Variants in PLEKHM2 observed in about 807,000 individuals in gnomAD.
The protein encoded by PLEKHM2 is pleckstrin homology domain-containing family M member 2.
Under a neutral mutation model 116.3 loss-of-function variants are expected in PLEKHM2, and 77 were observed. The ratio of observed to expected loss-of-function variants is 0.66; its 90% CI spans 0.55 to 0.80. The LOEUF is 0.80. PLEKHM2 is among the 30% of genes least tolerant of loss of function. PLEKHM2 has a pLI of 0.00. For missense variants in PLEKHM2, 1,183 were observed against 1,354.9 expected (o/e 0.87, Z 1.99); for synonymous variants, 562 against 571.0 (o/e 0.98, Z 0.22).
chr1:15,726,865 T>G, intron 8 of PLEKHM2, 149 bp from the exon 9 acceptor site: 1 of 521,150 alleles, frequency 1.9e-6, no homozygotes, highest in Non-Finnish European at 3.3e-6. Context: ...TCTGACCCAG[T>G]GCCTCCACCC....
chr1:15,715,606 C>T (rs905987410), intron 1 of PLEKHM2, among the ~76,000 whole-genome samples: 1 of 151,950 alleles, frequency 6.6e-6, no homozygotes, highest in Admixed American at 6.6e-5. Context: ...ATGCCACTGC[C>T]CTCCAGCCTG....
At chr1:15,705,105 C>T (rs1049438156) in intron 1 of PLEKHM2, among the ~76,000 whole-genome samples, 1 of 151,796 alleles carries the variant, frequency 6.6e-6, no homozygotes, top group African/African-American at 2.4e-5. Context: ...CTGGCGGCAC[C>T]CCCCCTGCCC....
At chr1:15,694,751 GTTTTGTTTTTTTT>G (rs1207841842) in intron 1 of PLEKHM2, among the ~76,000 whole-genome samples, 1 of 143,146 alleles carries the variant, frequency 7.0e-6, no homozygotes, top group African/African-American at 2.8e-5. Flanking sequence ...TGTGTATTTT[GTTTTGTTTTTTTT>G]TTTTGTTTTT....
In PLEKHM2 at chr1:15,722,570, G is replaced by A. The variant is rs1400034315; in HGVS notation, c.712+1182G>A. Reference sequence around the variant, plus strand: ...GCCACACCCTGAGGATGAGGGGCACGTGGCTCTCCCCGCATTATTAGAGAC... The same window carrying A: ...GCCACACCCTGAGGATGAGGGGCACATGGCTCTCCCCGCATTATTAGAGAC... On this transcript the variant is annotated intron_variant, in intron 7 of 19. Transcript: ENST00000375799. 2.0e-5 allele frequency: 3 copies of A among 152,234 alleles called. No individual in the cohort carries two copies. The East Asian group carries it at 5.8e-4, about 29-fold the overall frequency. The allele number at this position is 152,234 out of a possible 1,614,324, so 9.4% of individuals were successfully genotyped here. A position where few individuals can be genotyped will look rare whatever the true frequency, so the allele number is the denominator to read the frequency against.
At chr1:15,682,342 T>C (rs1280562770), upstream of PLEKHM2, among the ~76,000 whole-genome samples, 2 of 150,656 alleles carry the variant, frequency 1.3e-5, no homozygotes, top group East Asian at 3.9e-4. Context: ...TCCCAGCTAC[T>C]GGGGAGGCTG....
intron 1 of PLEKHM2, among the ~76,000 whole-genome samples, chr1:15,695,949 T>G (rs1031462658): frequency 6.6e-6 from 1 of 150,942 alleles, no homozygotes; most frequent in Non-Finnish European, 1.5e-5. Context: ...ACTACAGGTG[T>G]GCACCACCAC....
intron 1 of PLEKHM2, 73 bp downstream of exon 1, chr1:15,684,691 C>T (rs1319572436): frequency 3.9e-6 from 2 of 513,778 alleles, no homozygotes; most frequent in Non-Finnish European, 4.9e-6. Flanking sequence ...GGCGCTCTCC[C>T]GGGCCGGGGC....
Position 15,729,974 on chromosome 1 carries a change from G to GAGC in PLEKHM2, c.2208+52_2208+54dup, listed in dbSNP as rs1359380615. ...GCTGAGTGCAGCCCCTGAGATGGCA[G>GAGC]AGCAGCAGCCGCCTTGGCGTGAGCG... On this transcript the variant is annotated intron_variant, in intron 14 of 19. Transcript: ENST00000375799. This position sits in a 1 kb window ranked among gnomAD's most constrained non-coding sequence, Gnocchi z 4.7. The GAGC allele has an allele frequency of 2.0e-6, 3 of 1,533,328 alleles. No individual in the cohort carries two copies. Among genetic ancestry groups the GAGC allele is most frequent in the Non-Finnish European group, 2.6e-6 (3 of 1,136,498 alleles). 95.0% of individuals were successfully genotyped at this position (1,533,328 alleles called of 1,614,324 possible). A position where few individuals can be genotyped will look rare whatever the true frequency, so the allele number is the denominator to read the frequency against.
intron 1 of PLEKHM2, among the ~76,000 whole-genome samples, chr1:15,693,693 G>A (rs1640933414): frequency 6.6e-6 from 1 of 152,202 alleles, no homozygotes; most frequent in Non-Finnish European, 1.5e-5. Context: ...CATCCAGCTG[G>A]AGCCCAGTGT....
intron 1 of PLEKHM2, among the ~76,000 whole-genome samples, chr1:15,698,081 G>A (rs928240944): frequency 1.3e-5 from 2 of 152,174 alleles, no homozygotes; most frequent in African/African-American, 4.8e-5. Flanking sequence ...AGCTCTACAC[G>A]TTGGGGGACT....
intron 1 of PLEKHM2, among the ~76,000 whole-genome samples, chr1:15,711,310 A>G (rs1038167476): frequency 1.3e-5 from 2 of 152,170 alleles, no homozygotes; most frequent in South Asian, 4.1e-4. Context: ...TCCTAAAACT[A>G]TAAAAGAAAA....
chr1:15,724,894 C>T (rs1339791752), intron 7 of PLEKHM2, among the ~76,000 whole-genome samples: 1 of 152,104 alleles, frequency 6.6e-6, no homozygotes, highest in Non-Finnish European at 1.5e-5. Context: ...TGCTGGGTAC[C>T]CCTGTAGCGT....
chr1:15,685,541 G>GAAAAAAAAAA (rs200301672), intron 1 of PLEKHM2, among the ~76,000 whole-genome samples: 49 of 73,436 alleles, frequency 6.7e-4, no homozygotes, highest in African/African-American at 1.5e-3. Context: ...CTCAGAAACT[G>GAAAAAAAAAA]AAAAAAAAAA....
chr1:15,694,124 C>T lies in PLEKHM2; in HGVS notation c.60+9506C>T, dbSNP rs145962493. Among the ~76,000 whole-genome samples, 448 of 152,140 alleles carry T rather than the reference C, an allele frequency of 2.9e-3. 1 individual carries two copies. Among genetic ancestry groups the T allele is most frequent in the African/African-American group, 0.01 (420 of 41,506 alleles). On this transcript the variant is annotated intron_variant, in intron 1 of 19. Coordinates refer to ENST00000375799, the MANE Select transcript of PLEKHM2 (RefSeq NM_015164.4). ...ATCCCAGCACTTTGGGAGACCCAGG[C>T]GGGCAGATCACGAGATCAGGAGTTC...
intron 1 of PLEKHM2, among the ~76,000 whole-genome samples, chr1:15,707,522 A>C (rs1488622630): frequency 1.3e-5 from 2 of 152,146 alleles, no homozygotes; most frequent in East Asian, 3.9e-4. Flanking sequence ...TTACACACAA[A>C]ACTTGGAGGT....
At chr1:15,715,993 C>A (rs1282491594) in intron 1 of PLEKHM2, among the ~76,000 whole-genome samples, 1 of 152,198 alleles carries the variant, frequency 6.6e-6, no homozygotes, top group Non-Finnish European at 1.5e-5. Context: ...CTCAAGTTGT[C>A]ACTGTGCGGA....
At chr1:15,685,725 A>G (rs1640757999) in intron 1 of PLEKHM2, among the ~76,000 whole-genome samples, 1 of 152,192 alleles carries the variant, frequency 6.6e-6, no homozygotes, top group Non-Finnish European at 1.5e-5. Flanking sequence ...CAGGCAAGCT[A>G]TTTTACCTTT....
At chr1:15,731,852 C>G (rs1208122664) in intron 16 of PLEKHM2, 37 bp from the exon 17 acceptor site, 9 of 1,584,594 alleles carry the variant, frequency 5.7e-6, no homozygotes, top group Non-Finnish European at 7.7e-6. Context: ...CTGCCCTTGC[C>G]TCCTCGCTCC....
rs1390865492 is a variant in PLEKHM2 at position 15,701,061 on chromosome 1, C to T, written c.61-15176C>T. On this transcript the variant is annotated intron_variant, in intron 1 of 19. Coordinates refer to ENST00000375799, the MANE Select transcript of PLEKHM2 (RefSeq NM_015164.4). The stretch of plus-strand genomic sequence containing the variant: ...CCAGGAGGCGGAGGTTGCAGTGAGC[C>T]GAGATCATGCCATTGCAATCCAGCC... 7.3e-5 allele frequency among the ~76,000 whole-genome samples: 10 copies of T among 137,540 alleles called. No homozygotes were observed. The East Asian group carries it at 1.1e-3, about 15-fold the overall frequency. 90.2% of individuals were successfully genotyped at this position (137,540 alleles called of 152,430 possible).
Sources: gnomAD v4.1 joint callset for allele counts (sites outside exome capture counted in the v4.1 genomes callset) on GRCh38, gnomAD v4.1.1 for gene constraint, Gnocchi (gnomAD v3.1) non-coding constraint, MANE v1.5 for transcripts, NCBI Gene and HGNC (gene_info 2026-07-23, HGNC 2026-07-21) for gene names.